The following TST variants were observed in gnomAD, a reference collection of about 807,000 sequenced individuals.
The protein encoded by TST is thiosulfate sulfurtransferase.
TST carries 22 observed loss-of-function variants against 20.4 expected under a neutral mutation model. The observed-to-expected ratio is 1.08, with a 90% confidence interval of 0.77 to 1.54. TST has a LOEUF of 1.54. Ranked by LOEUF, TST falls within the 40% of genes most tolerant of loss-of-function variation. The probability of loss-of-function intolerance (pLI) is 0.00; values close to 1 mark genes in which losing one functional copy is unlikely to be tolerated. For synonymous variants in TST, 187 were observed against 173.8 expected, an observed-to-expected ratio of 1.08 and a Z score of -0.60; for missense variants, 392 against 405.2, an observed-to-expected ratio of 0.97 and a Z score of 0.28.
At chr22:37,012,084 G>A (rs1004326089) in intron 2 of TST, among the ~76,000 whole-genome samples, 3 of 152,248 alleles carry the variant, frequency 2.0e-5, no homozygotes, top group Non-Finnish European at 2.9e-5. Context: ...GGAAATGAGA[G>A]TATCCACTGT....
chr22:37,012,835 G>A (rs996687804), intron 2 of TST, among the ~76,000 whole-genome samples: 1 of 152,076 alleles, frequency 6.6e-6, no homozygotes, highest in African/African-American at 2.4e-5. Flanking sequence ...CACAAGGTCA[G>A]TTCAAGACCA....
rs1309207168 is a variant in TST at position 37,018,660 on chromosome 22, G to A, written c.73C>T (p.Leu25=). 3 of 1,559,778 alleles carry A rather than the reference G, an allele frequency of 1.9e-6. No individual in the cohort carries two copies. The highest frequency in any genetic ancestry group is 2.6e-6 in the Non-Finnish European group (3 of 1,153,126). ...TCCAGCACCCGCAGGCCGGGCCCCA[G>A]CTTGCCAGTCCTGATGGACTCCGCC... is the stretch of plus-strand genomic sequence containing the variant. ...WLAESIRTGK[L]GPGLRVLDAS... The change falls in exon 2 of 3, where the codon CTG becomes TTG. Residue 25 remains leucine, a synonymous_variant. Coordinates refer to ENST00000249042, the MANE Select transcript of TST (RefSeq NM_003312.6).
chr22:37,011,838 A>C (rs1473998402), intron 2 of TST, among the ~76,000 whole-genome samples: 2 of 152,206 alleles, frequency 1.3e-5, no homozygotes, highest in African/African-American at 2.4e-5. Context: ...CCACATAACT[A>C]ATCAGATATG....
rs1167146381 is a variant in TST at position 37,011,246 on chromosome 22, G to A, written c.675C>T (p.Gly225=). The A allele has an allele frequency of 1.9e-6, 3 of 1,613,992 alleles. No individual in the cohort carries two copies. Among genetic ancestry groups the A allele is most frequent in the South Asian group, 2.2e-5 (2 of 91,088 alleles). Reference sequence around the variant, plus strand: ...GGAACAGAGCACGGAGCTCTTCTGGGCCCTTCTCGAAGCCATCCTCAGTCA... The same window carrying A: ...GGAACAGAGCACGGAGCTCTTCTGGACCCTTCTCGAAGCCATCCTCAGTCA... The part of the protein sequence containing the change: ...DFLTEDGFEK[G]PEELRALFQT... Residue 225 remains glycine, a synonymous_variant, in exon 3 of 3, where the codon GGC becomes GGT. Transcript: ENST00000249042.
Position 37,019,417 on chromosome 22 carries a change from C to G in TST, c.-39G>C, listed in dbSNP as rs1922871670. The G allele has an allele frequency of 6.6e-6, 1 of 151,654 alleles. No homozygotes were observed. Among genetic ancestry groups the G allele is most frequent in the South Asian group, 2.1e-4 (1 of 4,860 alleles). 9.4% of individuals were successfully genotyped at this position (151,654 alleles called of 1,614,324 possible). On this transcript the variant is annotated 5_prime_UTR_variant, in exon 1 of 3. Coordinates refer to ENST00000249042, the MANE Select transcript of TST (RefSeq NM_003312.6). ...GCACTCACTCGCCCCGGACGCCGCG[C>G]TGGCGCTCGCCCCGGCCGGCTGGAG...
In TST at chr22:37,018,553, G is replaced by C; in HGVS notation, c.180C>G (p.Asp60Glu). The C allele has an allele frequency of 6.4e-7, 1 of 1,572,848 alleles. No homozygotes were observed. Residue 60 changes from aspartate to glutamate, a missense_variant, in exon 2 of 3, where the codon GAC (aspartate) becomes GAG (glutamate). By Grantham distance (45) the Asp-to-Glu change is conservative. Coordinates refer to ENST00000249042, the MANE Select transcript of TST (RefSeq NM_003312.6). ...ERHVPGASFF[D>E]IEECRDTASP... is the part of the protein sequence containing the mutation. The stretch of plus-strand genomic sequence containing the variant: ...ACGCCGTGTCCCGGCACTCTTCTAT[G>C]TCAAAGAAAGAGGCGCCGGGTACGT...
chr22:37,014,028 G>A (rs1381575708), intron 2 of TST, among the ~76,000 whole-genome samples: 4 of 152,192 alleles, frequency 2.6e-5, no homozygotes, highest in Non-Finnish European at 5.9e-5. Context: ...TAAATGAACT[G>A]TGGGAAGGGC....
chr22:37,019,738 G>A, upstream of TST: 3 of 486,144 alleles, frequency 6.2e-6, no homozygotes, highest in Non-Finnish European at 9.4e-6. Flanking sequence ...CGCGGCGGTG[G>A]GCTGTGCCGG....
chr22:37,019,802 C>A, upstream of TST: 2 of 1,108,820 alleles, frequency 1.8e-6, no homozygotes, highest in Non-Finnish European at 2.3e-6. Context: ...GGGACAGCTG[C>A]GGGCGCGGGG....
At chr22:37,018,884 GC>G in intron 1 of TST, 131 bp from the exon 2 acceptor site, 1 of 642,600 alleles carries the variant, frequency 1.6e-6, no homozygotes. Flanking sequence ...CAGCAAGCCA[GC>G]GAGGCTGGGG....
Position 37,011,102 on chromosome 22 carries a change from AT to A in TST, c.818del (p.Asp273ValfsTer28). 6.2e-7 allele frequency: 1 copy of A among 1,613,476 alleles called. No homozygotes were observed. Among genetic ancestry groups the A allele is most frequent in the Non-Finnish European group, 8.5e-7 (1 of 1,180,050 alleles). ...LCGKPDVAVY[D>X]GSWSEWFRRA... ...GGCGAAACCACTCGGACCAGGAGCCATCGTACACGGCCACATCAGGCTTGCC... is the reference window on the plus strand; with the variant it reads ...GGCGAAACCACTCGGACCAGGAGCCACGTACACGGCCACATCAGGCTTGCC... On this transcript the variant is annotated frameshift_variant, in exon 3 of 3. Transcript: ENST00000249042. LOFTEE classifies it high-confidence loss of function.
At position 37,012,656 on chromosome 22, in the gene TST, T is replaced by C. The variant is rs557740911; in HGVS notation, c.596-1331A>G. On this transcript the variant is annotated intron_variant, in intron 2 of 2. Coordinates refer to ENST00000249042, the MANE Select transcript of TST (RefSeq NM_003312.6). ...GGTGGCAGGAGTGGGAGGGGAAGGATCTGACTAGTGTGGCCAAGGCATATA... is the reference window on the plus strand; with the variant it reads ...GGTGGCAGGAGTGGGAGGGGAAGGACCTGACTAGTGTGGCCAAGGCATATA... Among the ~76,000 whole-genome samples the C allele has an allele frequency of 3.3e-5, 5 of 152,244 alleles. No homozygotes were observed. In the South Asian group the frequency reaches 8.3e-4, roughly 25 times the overall value.
At chr22:37,019,903 C>T, upstream of TST, 9 of 1,154,908 alleles carry the variant, frequency 7.8e-6, no homozygotes, top group Non-Finnish European at 9.8e-6. Context: ...GCTTGCCTTT[C>T]TGGAGGGGGA....
At chr22:37,017,182 G>A (rs1922712483) in intron 2 of TST, among the ~76,000 whole-genome samples, 1 of 152,214 alleles carries the variant, frequency 6.6e-6, no homozygotes, top group Admixed American at 6.5e-5. Flanking sequence ...CGAGACGGCA[G>A]TCCTGCCTCT....
chr22:37,019,932 G>T (rs1922933224), upstream of TST: 1 of 885,680 alleles, frequency 1.1e-6, no homozygotes, highest in East Asian at 3.3e-5. Flanking sequence ...CTCTTTGGGG[G>T]TGCTCGGCGC....
At chr22:37,016,095 C>T (rs1475124187) in intron 2 of TST, among the ~76,000 whole-genome samples, 3 of 151,930 alleles carry the variant, frequency 2.0e-5, no homozygotes, top group African/African-American at 4.8e-5. Context: ...AGGCACGTAC[C>T]ACCAACGCCT....
In TST at chr22:37,018,133, C is replaced by A; in HGVS notation, c.595+5G>T. On this transcript the variant is annotated splice_donor_5th_base_variant and intron_variant, in intron 2 of 2. Coordinates refer to ENST00000249042, the MANE Select transcript of TST (RefSeq NM_003312.6). ...CCAGGGACCACCCAGCACTGGGACACCTACCTACTGCATCCGGCTCCGGCT... is the reference window on the plus strand; with the variant it reads ...CCAGGGACCACCCAGCACTGGGACAACTACCTACTGCATCCGGCTCCGGCT... The A allele has an allele frequency of 6.5e-7, 1 of 1,542,196 alleles. No homozygotes were observed. Among genetic ancestry groups the A allele is most frequent in the Non-Finnish European group, 8.8e-7 (1 of 1,142,662 alleles).
At position 37,018,573 on chromosome 22, in the gene TST, G is replaced by C; in HGVS notation, c.160C>G (p.Pro54Ala). Reference sequence around the variant, plus strand: ...TCTATGTCAAAGAAAGAGGCGCCGGGTACGTGGCGCTCGAGGTACTCCTTG... The same window carrying C: ...TCTATGTCAAAGAAAGAGGCGCCGGCTACGTGGCGCTCGAGGTACTCCTTG... ...ARKEYLERHVPGASFFDIEEC... is the reference protein window; with the variant it reads ...ARKEYLERHVAGASFFDIEEC... The change falls in exon 2 of 3, where the codon CCC becomes GCC. Residue 54 changes from proline to alanine, a missense_variant. Physicochemically the swap from Pro to Ala is conservative, Grantham distance 27. Coordinates refer to ENST00000249042, the MANE Select transcript of TST (RefSeq NM_003312.6). 2.6e-6 allele frequency: 4 copies of C among 1,563,650 alleles called. No individual in the cohort carries two copies. The highest frequency in any genetic ancestry group is 3.5e-6 in the Non-Finnish European group (4 of 1,154,240).
rs61743068 is a variant in TST, at chr22:37,018,280, G to T, written c.453C>A (p.Ala151=). 3.9e-4 allele frequency: 636 copies of T among 1,613,942 alleles called. 1 individual carries two copies. Among genetic ancestry groups the T allele is most frequent in the Non-Finnish European group, 5.1e-4 (600 of 1,180,020 alleles). The part of the protein sequence containing the change: ...VTSEPSRPEP[A]VFKATLDRSL... ...AGCGGTCCAGTGTGGCTTTGAAGAC[G>T]GCCGGTTCTGGGCGTGAGGGCTCGG... The change falls in exon 2 of 3, where the codon GCC becomes GCA. Residue 151 remains alanine, a synonymous_variant. Coordinates refer to ENST00000249042, the MANE Select transcript of TST (RefSeq NM_003312.6).
Sources: gnomAD v4.1 joint callset for allele counts (sites outside exome capture counted in the v4.1 genomes callset) on GRCh38, gnomAD v4.1.1 for gene constraint, MANE v1.5 for transcripts, NCBI Gene and HGNC (gene_info 2026-07-23, HGNC 2026-07-21) for gene names.